The following LYZL6 variants were observed in gnomAD, a reference collection of about 807,000 sequenced individuals.
The protein encoded by LYZL6 is lysozyme like 6, also known as lysozyme-like protein 6.
A neutral mutation model predicts 15.0 loss-of-function variants in LYZL6; 21 were observed. The ratio of observed to expected loss-of-function variants is 1.40; its 90% CI spans 1.00 to 2.02. The LOEUF is 2.02. LYZL6 is among the 30% of genes most tolerant of loss of function. The pLI is 0.00. For missense variants in LYZL6, 173 were observed against 180.5 expected, an observed-to-expected ratio of 0.96 and a Z score of 0.24; for synonymous variants, 72 against 67.8, an observed-to-expected ratio of 1.06 and a Z score of -0.31.
intron 4 of LYZL6, among the ~76,000 whole-genome samples, chr17:35,936,424 T>C (rs894195830): frequency 1.7e-4 from 26 of 152,170 alleles, no homozygotes; most frequent in African/African-American, 5.8e-4. Flanking sequence ...AAACCTGCCA[T>C]GGACAGTGTG....
intron 4 of LYZL6, among the ~76,000 whole-genome samples, chr17:35,936,312 G>C (rs918577306): frequency 1.3e-5 from 2 of 152,218 alleles, no homozygotes; most frequent in Non-Finnish European, 2.9e-5. Context: ...TGGTTGCTTA[G>C]GACTTTAGCT....
chr17:35,937,712 C>T lies in LYZL6; in HGVS notation c.298+46G>A, dbSNP rs188995208. On this transcript the variant is annotated intron_variant, in intron 3 of 4. Coordinates refer to ENST00000615905, the MANE Select transcript of LYZL6 (RefSeq NM_020426.4). ...GGGAAGAGAAGTTCTGTGAGCAGAG[C>T]CTGGTTGCTGCTCTCATCTCTCCCA... The T allele has an allele frequency of 1.6e-5, 26 of 1,585,492 alleles. No individual in the cohort carries two copies. In the African/African-American group the frequency reaches 2.3e-4, roughly 14 times the overall value.
rs78424650 is a variant in LYZL6, at chr17:35,935,226, T to C, written c.378-361A>G. On this transcript the variant is annotated intron_variant, in intron 4 of 4. Transcript: ENST00000615905. ...CAGCATAATCATCGCTGTCAATTCT[T>C]TTCTGTGGTGTTTTGAGTATGCAGG... Among the ~76,000 whole-genome samples, 417 of 152,254 alleles carry C rather than the reference T, an allele frequency of 2.7e-3. 11 individuals carry two copies. The East Asian group carries it at 0.07, about 26-fold the overall frequency.
chr17:35,938,626 A>G lies in LYZL6; in HGVS notation c.139+592T>C, dbSNP rs962514060. ...GAGCGAGACTCTGTCTAAAAAAAAAAAAAAAAGGTACCTAAAAAACCCACA... is the reference window on the plus strand; with the variant it reads ...GAGCGAGACTCTGTCTAAAAAAAAAGAAAAAAGGTACCTAAAAAACCCACA... On this transcript the variant is annotated intron_variant, in intron 2 of 4. Transcript: ENST00000615905. Among the ~76,000 whole-genome samples, 5 of 151,610 alleles carry G rather than the reference A, an allele frequency of 3.3e-5. No homozygotes were observed. In the East Asian group the frequency reaches 5.8e-4, roughly 18 times the overall value.
At position 35,935,775 on chromosome 17, in the gene LYZL6, G is replaced by A. The variant is rs369392781; in HGVS notation, c.378-910C>T. 2.1e-3 allele frequency among the ~76,000 whole-genome samples: 325 copies of A among 151,526 alleles called. 3 individuals are homozygous for A. Among genetic ancestry groups the A allele is most frequent in the African/African-American group, 7.0e-3 (287 of 41,256 alleles). The stretch of plus-strand genomic sequence containing the variant: ...GACCCACCCACCTCAGCCTCCCAAA[G>A]GGCTGGGATTACAGGAGTGAGCCAC... On this transcript the variant is annotated intron_variant, in intron 4 of 4. Transcript: ENST00000615905.
chr17:35,941,560 A>G (rs1295323947), intron 1 of LYZL6, among the ~76,000 whole-genome samples: 2 of 152,178 alleles, frequency 1.3e-5, no homozygotes, highest in Admixed American at 6.5e-5. Context: ...AAACCATTGC[A>G]TAATGGTTTC....
intron 4 of LYZL6, among the ~76,000 whole-genome samples, chr17:35,936,131 A>G (rs1030650735): frequency 6.6e-6 from 1 of 152,180 alleles, no homozygotes; most frequent in Non-Finnish European, 1.5e-5. Flanking sequence ...TTTAAATAAA[A>G]AAATATTGTC....
chr17:35,939,448 G>A lies in LYZL6; in HGVS notation c.-92C>T, dbSNP rs2089407967. 9 of 1,373,198 alleles carry A rather than the reference G, an allele frequency of 6.6e-6. No individual in the cohort carries two copies. In the East Asian group the frequency reaches 1.9e-4, roughly 28 times the overall value. 85.1% of individuals were successfully genotyped at this position (1,373,198 alleles called of 1,614,324 possible). On this transcript the variant is annotated 5_prime_UTR_variant, in exon 2 of 5. Transcript: ENST00000615905. The stretch of plus-strand genomic sequence containing the variant: ...CTTCTCTGAGAGCCTGGGGAATCTG[G>A]AGAGGGCAGCCAGGTTTCCTTACTC...
At chr17:35,935,834 AAC>A (rs751980520) in intron 4 of LYZL6, among the ~76,000 whole-genome samples, 7 of 130,320 alleles carry the variant, frequency 5.4e-5, no homozygotes, top group Non-Finnish European at 9.8e-5. Context: ...TTTTTTTTTA[AAC>A]AGAGTCTCAT....
At position 35,934,658 on chromosome 17, in the gene LYZL6, G is replaced by A. The variant is rs1598703357; in HGVS notation, c.*138C>T. The A allele has an allele frequency of 1.3e-6, 1 of 753,092 alleles. No individual in the cohort carries two copies. The highest frequency in any genetic ancestry group is 2.7e-5 in the East Asian group (1 of 36,648). 46.7% of individuals were successfully genotyped at this position (753,092 alleles called of 1,614,324 possible). On this transcript the variant is annotated 3_prime_UTR_variant, in exon 5 of 5. Coordinates refer to ENST00000615905, the MANE Select transcript of LYZL6 (RefSeq NM_020426.4). ...GAAGCCAAGAAAACCATTTATTCCT[G>A]GGGCTCTGGTCAGTTTTAGTTGTAA...
intron 4 of LYZL6, among the ~76,000 whole-genome samples, chr17:35,935,249 A>C (rs535103624): frequency 6.6e-6 from 1 of 152,102 alleles, no homozygotes; most frequent in African/African-American, 2.4e-5. Flanking sequence ...TTGAGTATGC[A>C]GGGGATTTGA....
intron 1 of LYZL6, among the ~76,000 whole-genome samples, chr17:35,940,143 A>G (rs1328689486): frequency 6.6e-6 from 1 of 152,060 alleles, no homozygotes; most frequent in East Asian, 1.9e-4. Context: ...CCCTAGATTC[A>G]CACTGCCTGC....
chr17:35,938,845 A>G (rs2089400500), intron 2 of LYZL6, among the ~76,000 whole-genome samples: 1 of 152,138 alleles, frequency 6.6e-6, no homozygotes, highest in Admixed American at 6.6e-5. Flanking sequence ...ATCTCCTCAG[A>G]GAGGCCTTCC....
chr17:35,937,732 C>T, intron 3 of LYZL6, 26 bp downstream of exon 3: 2 of 1,608,526 alleles, frequency 1.2e-6, no homozygotes, highest in African/African-American at 1.3e-5. Flanking sequence ...GCTCTCATCT[C>T]TCCCACCCTG....
intron 4 of LYZL6, among the ~76,000 whole-genome samples, chr17:35,935,349 C>T (rs1012570350): frequency 6.6e-5 from 10 of 152,168 alleles, no homozygotes; most frequent in Admixed American, 6.5e-4. Flanking sequence ...TGAATGTCCA[C>T]CGTTGGTGAG....
intron 1 of LYZL6, among the ~76,000 whole-genome samples, chr17:35,940,776 T>A (rs2141968936): frequency 6.6e-6 from 1 of 152,330 alleles, no homozygotes. Context: ...AATATGGCAT[T>A]TTGTATCTGG....
intron 1 of LYZL6, among the ~76,000 whole-genome samples, chr17:35,942,113 A>G (rs1419744671): frequency 6.6e-6 from 1 of 152,174 alleles, no homozygotes; most frequent in Non-Finnish European, 1.5e-5. Flanking sequence ...AGCCAAACTC[A>G]CTGAAAATCT....
intron 2 of LYZL6, 116 bp from the exon 3 acceptor site, chr17:35,938,032 G>A (rs2089392151): frequency 2.1e-6 from 2 of 971,344 alleles, no homozygotes. Flanking sequence ...TGGGAGGCAA[G>A]ATAGGACTAG....
rs747220333 is a variant in LYZL6 at position 35,939,332 on chromosome 17, A to G, written c.25T>C (p.Leu9=). 1 of 1,614,130 alleles carries G rather than the reference A, an allele frequency of 6.2e-7. No homozygotes were observed. The highest frequency in any genetic ancestry group is 8.5e-7 in the Non-Finnish European group (1 of 1,179,998). The change falls in exon 2 of 5, where the codon TTG becomes CTG. Residue 9 remains leucine (L), a synonymous_variant. Coordinates refer to ENST00000615905, the MANE Select transcript of LYZL6 (RefSeq NM_020426.4). ...TTTAGGGCAAGAAAGCTGCTGACCA[A>G]ATAGATGAGTAGCGCCTTTGTCATC... MTKALLIY[L]VSSFLALNQA...
Sources: allele counts gnomAD v4.1 joint callset (sites outside exome capture counted in the v4.1 genomes callset), GRCh38; gene constraint gnomAD v4.1.1; transcripts MANE v1.5; gene names NCBI Gene and HGNC (gene_info 2026-07-23, HGNC 2026-07-21).